The following WWC1 variants were observed in gnomAD, a reference collection of about 807,000 sequenced individuals.
The protein encoded by WWC1 is protein KIBRA.
In WWC1, 55 loss-of-function variants were observed where a neutral mutation model predicts 138.4. That is an observed-to-expected ratio of 0.40 (90% CI 0.32 to 0.50). WWC1 has a LOEUF of 0.50. WWC1 is among the 20% of genes least tolerant of loss of function. The pLI is 0.72. For synonymous variants in WWC1, 524 were observed against 564.9 expected, an observed-to-expected ratio of 0.93 and a Z score of 1.03; for missense variants, 1,226 against 1,420.4, an observed-to-expected ratio of 0.86 and a Z score of 2.20.
chr5:168,457,513 G>T (rs556671265), intron 19 of WWC1, among the ~76,000 whole-genome samples: 6 of 152,264 alleles, frequency 3.9e-5, no homozygotes, highest in African/African-American at 1.2e-4. Context: ...GTACCGGTCA[G>T]GGTTTTTCAT....
At chr5:168,345,616 T>G (rs1003906022) in intron 1 of WWC1, among the ~76,000 whole-genome samples, 3 of 152,226 alleles carry the variant, frequency 2.0e-5, no homozygotes, top group Admixed American at 2.0e-4. Context: ...CTTTGTCAGA[T>G]GCTAAGACAT....
At position 168,422,095 on chromosome 5, in the gene WWC1, A is replaced by G. The variant is rs374942942; in HGVS notation, c.1272A>G (p.Lys424=). 50 of 1,612,504 alleles carry G rather than the reference A, an allele frequency of 3.1e-5. No homozygotes were observed. The highest frequency in any genetic ancestry group is 1.9e-4 in the South Asian group (17 of 90,830). The part of the protein sequence containing the change: ...RQVATLHSQL[K]SLSSSMQSLS... ...TGGCAACTCTGCACTCCCAGCTGAA[A>G]AGGTGAGTGGTGGGCGGTGAGGCCA... Residue 424 remains lysine (K), a splice_region_variant and synonymous_variant, in exon 10 of 23, where the codon AAA becomes AAG. Coordinates refer to ENST00000265293, the MANE Select transcript of WWC1 (RefSeq NM_015238.3).
chr5:168,331,325 G>A (rs1403279372), intron 1 of WWC1, among the ~76,000 whole-genome samples: 1 of 152,206 alleles, frequency 6.6e-6, no homozygotes, highest in Non-Finnish European at 1.5e-5. Context: ...TTTTACAGAT[G>A]GGCTTCAAGG....
chr5:168,456,413 A>G (rs1292705502), intron 19 of WWC1, among the ~76,000 whole-genome samples: 1 of 152,190 alleles, frequency 6.6e-6, no homozygotes, highest in Non-Finnish European at 1.5e-5. Context: ...TGGGCAAATC[A>G]CTTGAGGCCA....
At chr5:168,435,393 C>T (rs1448901076) in intron 15 of WWC1, among the ~76,000 whole-genome samples, 1 of 152,180 alleles carries the variant, frequency 6.6e-6, no homozygotes, top group Admixed American at 6.5e-5. Flanking sequence ...GCTGTTATTT[C>T]TCCCATGCTC....
At chr5:168,304,333 A>G (rs1351776314) in intron 1 of WWC1, among the ~76,000 whole-genome samples, 64 of 152,326 alleles carry the variant, frequency 4.2e-4, no homozygotes, top group Admixed American at 4.1e-3. Flanking sequence ...GTAGACAATG[A>G]CTTTTGCTGG....
chr5:168,408,028 ATT>A (rs1181472544), intron 6 of WWC1, among the ~76,000 whole-genome samples: 21 of 117,424 alleles, frequency 1.8e-4, no homozygotes, highest in East Asian at 1.7e-3. Flanking sequence ...ACATCCAGCT[ATT>A]TTTTTTTTTT....
At position 168,408,548 on chromosome 5, in the gene WWC1, G is replaced by C. The variant is rs746340250; in HGVS notation, c.762G>C (p.Gly254=). 6.2e-7 allele frequency: 1 copy of C among 1,614,200 alleles called. No homozygotes were observed. Among genetic ancestry groups the C allele is most frequent in the South Asian group, 1.1e-5 (1 of 91,078 alleles). The stretch of plus-strand genomic sequence containing the variant: ...AGGACGGCTTCCGCACTGACAGGGG[G>C]TCTCACTCAGACCTGTGGTCCAGCA... ...MLKDGFRTDR[G]SHSDLWSSSS... The change falls in exon 7 of 23, where the codon GGG becomes GGC. Residue 254 remains glycine (G), a synonymous_variant. Coordinates refer to ENST00000265293, the MANE Select transcript of WWC1 (RefSeq NM_015238.3).
At chr5:168,437,167 T>C (rs1782416606) in intron 15 of WWC1, among the ~76,000 whole-genome samples, 1 of 152,176 alleles carries the variant, frequency 6.6e-6, no homozygotes, top group African/African-American at 2.4e-5. Context: ...CCTCACCTCC[T>C]TCTGGACTTT....
In WWC1 at chr5:168,406,095, G is replaced by A. The variant is rs112463808; in HGVS notation, c.591-103G>A. On this transcript the variant is annotated intron_variant, in intron 5 of 22. Transcript: ENST00000265293. Reference sequence around the variant, plus strand: ...AAGGGTTAGCAGGACAGAGGGAGGGGCCTTCTTAAGGGACTGAAGTCCTGT... The same window carrying A: ...AAGGGTTAGCAGGACAGAGGGAGGGACCTTCTTAAGGGACTGAAGTCCTGT... 2.0e-3 allele frequency: 2,781 copies of A among 1,397,166 alleles called. 50 individuals are homozygous for A. In the African/African-American group the frequency reaches 0.035, roughly 17 times the overall value. 86.5% of individuals were successfully genotyped at this position (1,397,166 alleles called of 1,614,324 possible).
chr5:168,466,273 C>A (rs1472814913), intron 21 of WWC1, among the ~76,000 whole-genome samples: 46 of 152,162 alleles, frequency 3.0e-4, no homozygotes, highest in Non-Finnish European at 1.5e-5. Context: ...AAGAAATAAA[C>A]AATATGGGAC....
At chr5:168,459,348 G>A (rs1231435609) in intron 19 of WWC1, among the ~76,000 whole-genome samples, 3 of 151,278 alleles carry the variant, frequency 2.0e-5, no homozygotes, top group African/African-American at 2.4e-5. Context: ...CAGTTGTCAA[G>A]ATGGCACACC....
At chr5:168,362,308 A>C (rs534610570) in intron 1 of WWC1, among the ~76,000 whole-genome samples, 21 of 152,334 alleles carry the variant, frequency 1.4e-4, no homozygotes, top group East Asian at 5.8e-4. Flanking sequence ...GTGAGTGCTC[A>C]GTATATGTGT....
chr5:168,454,988 G>A (rs1756176414), intron 18 of WWC1, among the ~76,000 whole-genome samples: 2 of 152,200 alleles, frequency 1.3e-5, no homozygotes, highest in Admixed American at 6.5e-5. Context: ...AGCCTTGGGT[G>A]TGGTTTTTCA....
intron 1 of WWC1, among the ~76,000 whole-genome samples, chr5:168,340,502 C>T (rs1425579617): frequency 6.6e-6 from 1 of 151,872 alleles, no homozygotes; most frequent in Non-Finnish European, 1.5e-5. Context: ...TCACTTCCCC[C>T]CAGCCCTAGA....
intron 2 of WWC1, among the ~76,000 whole-genome samples, chr5:168,382,977 A>T (rs1237935160): frequency 6.6e-6 from 1 of 152,048 alleles, no homozygotes; most frequent in African/African-American, 2.4e-5. Context: ...GGAGTTCAAG[A>T]CTAGCCTGGT....
intron 2 of WWC1, among the ~76,000 whole-genome samples, chr5:168,374,395 C>G (rs990915992): frequency 1.4e-5 from 2 of 140,308 alleles, no homozygotes; most frequent in Non-Finnish European, 3.1e-5. Flanking sequence ...TGTGGTCTTC[C>G]GGGAAGAAGA....
chr5:168,431,277 T>C lies in WWC1; in HGVS notation c.2113T>C (p.Cys705Arg). 6.2e-7 allele frequency: 1 copy of C among 1,613,930 alleles called. No individual in the cohort carries two copies. The highest frequency in any genetic ancestry group is 8.5e-7 in the Non-Finnish European group (1 of 1,179,936). ...KVNIRVAVLP[C>R]SESTTCLFRT... ...GAATATCCGCGTGGCTGTCCTTCCT[T>C]GCTCTGAAAGCACAACCTGCCTGTT... is the stretch of plus-strand genomic sequence containing the variant. Residue 705 changes from cysteine (C) to arginine (R), a missense_variant, in exon 15 of 23, where the codon TGC becomes CGC. Transcript: ENST00000265293.
intron 2 of WWC1, among the ~76,000 whole-genome samples, chr5:168,378,917 G>A (rs1246456390): frequency 6.6e-6 from 1 of 152,144 alleles, no homozygotes; most frequent in African/African-American, 2.4e-5. Context: ...TAGCGGCGTG[G>A]GTGTGTATGC....
Sources: gnomAD v4.1 joint callset for allele counts (sites outside exome capture counted in the v4.1 genomes callset) on GRCh38, gnomAD v4.1.1 for gene constraint, MANE v1.5 for transcripts, NCBI Gene and HGNC (gene_info 2026-07-23, HGNC 2026-07-21) for gene names.